The following MCTP1 variants were observed in gnomAD, a reference collection of about 807,000 sequenced individuals.
MCTP1 encodes the protein multiple C2 and transmembrane domain containing 1.
Under a neutral mutation model 120.6 loss-of-function variants are expected in MCTP1, and 69 were observed. The ratio of observed to expected loss-of-function variants is 0.57; its 90% CI spans 0.47 to 0.70. The LOEUF (loss-of-function observed/expected upper bound fraction) is 0.70, where lower values mean the gene tolerates loss of function less well. MCTP1 is among the 30% of genes least tolerant of loss of function. MCTP1 has a pLI of 0.00. For missense variants in MCTP1, 1,203 were observed against 1,248.8 expected, an observed-to-expected ratio of 0.96 and a Z score of 0.55; for synonymous variants, 529 against 493.1, an observed-to-expected ratio of 1.07 and a Z score of -0.96.
intron 19 of MCTP1, among the ~76,000 whole-genome samples, chr5:94,733,758 G>A (rs1412315774): frequency 6.6e-6 from 1 of 152,138 alleles, no homozygotes; most frequent in African/African-American, 2.4e-5. Flanking sequence ...AAGGTCAGGA[G>A]TTCGAGACCA....
Position 94,931,946 on chromosome 5 carries a change from G to T in MCTP1, c.1212+7C>A. 6.3e-7 allele frequency: 1 copy of T among 1,598,806 alleles called. No individual in the cohort carries two copies. The highest frequency in any genetic ancestry group is 1.3e-5 in the African/African-American group (1 of 74,544). On this transcript the variant is annotated splice_region_variant and intron_variant, in intron 6 of 22. Coordinates refer to ENST00000515393, the MANE Select transcript of MCTP1 (RefSeq NM_024717.7). The stretch of plus-strand genomic sequence containing the variant: ...GAAAAGCTGAAAGATCACAAGCTAA[G>T]AATTACCTTACTTGATCTTTTCCAA...
chr5:94,781,932 C>T (rs897783433), intron 18 of MCTP1, among the ~76,000 whole-genome samples: 5 of 152,122 alleles, frequency 3.3e-5, no homozygotes, highest in Non-Finnish European at 7.4e-5. Flanking sequence ...CTTTCCCCTC[C>T]TCCAGTGCCT....
At chr5:95,192,891 T>C (rs922917011) in intron 1 of MCTP1, among the ~76,000 whole-genome samples, 1 of 152,122 alleles carries the variant, frequency 6.6e-6, no homozygotes, top group Non-Finnish European at 1.5e-5. Flanking sequence ...AGGGAATAGA[T>C]TGCTACTTGC....
At chr5:94,872,349 T>C (rs1797988530) in intron 13 of MCTP1, among the ~76,000 whole-genome samples, 1 of 152,036 alleles carries the variant, frequency 6.6e-6, no homozygotes, top group Non-Finnish European at 1.5e-5. Context: ...TTTTATCTCT[T>C]ATAAAAATGT....
chr5:94,841,150 A>T (rs1238370070), intron 17 of MCTP1, among the ~76,000 whole-genome samples: 1 of 152,154 alleles, frequency 6.6e-6, no homozygotes, highest in African/African-American at 2.4e-5. Flanking sequence ...TTGTACTTCT[A>T]GGGTTGCCAG....
intron 1 of MCTP1, among the ~76,000 whole-genome samples, chr5:95,092,789 A>G (rs950725650): frequency 2.8e-4 from 43 of 152,310 alleles, no homozygotes; most frequent in Middle Eastern, 6.8e-3. Context: ...CCAAATAACA[A>G]TCCAGGTTGA....
intron 1 of MCTP1, among the ~76,000 whole-genome samples, chr5:95,187,858 A>C (rs1749394305): frequency 6.6e-6 from 1 of 152,224 alleles, no homozygotes; most frequent in African/African-American, 2.4e-5. Flanking sequence ...ATTTAAAAAT[A>C]ACTGAAAGAG....
At chr5:95,079,196 A>C (rs570526455) in intron 1 of MCTP1, among the ~76,000 whole-genome samples, 1 of 152,168 alleles carries the variant, frequency 6.6e-6, no homozygotes, top group East Asian at 1.9e-4. Context: ...CTCAGCACTT[A>C]TAACAACAGA....
chr5:95,063,006 T>C (rs534946073), intron 1 of MCTP1, among the ~76,000 whole-genome samples: 4 of 152,092 alleles, frequency 2.6e-5, no homozygotes, highest in African/African-American at 9.6e-5. Context: ...TTTGTAGAGA[T>C]AGGGTCTCCC....
At chr5:95,088,552 G>A (rs1755608281) in intron 1 of MCTP1, among the ~76,000 whole-genome samples, 1 of 152,188 alleles carries the variant, frequency 6.6e-6, no homozygotes, top group South Asian at 2.1e-4. Flanking sequence ...ACAAACTGAT[G>A]CTTACGGAGG....
At chr5:94,824,567 G>T (rs1019090123) in intron 17 of MCTP1, among the ~76,000 whole-genome samples, 2 of 152,196 alleles carry the variant, frequency 1.3e-5, no homozygotes, top group Non-Finnish European at 2.9e-5. Context: ...AGTTTGGGAG[G>T]AGTCCCTCTT....
At chr5:94,761,767 T>C (rs2152851837) in intron 19 of MCTP1, among the ~76,000 whole-genome samples, 1 of 152,310 alleles carries the variant, frequency 6.6e-6, no homozygotes, top group South Asian at 2.1e-4. Flanking sequence ...CAGAATTGAA[T>C]TACCCTTTCC....
At chr5:95,239,590 G>A (rs2152675316) in intron 1 of MCTP1, among the ~76,000 whole-genome samples, 1 of 152,224 alleles carries the variant, frequency 6.6e-6, no homozygotes, top group Non-Finnish European at 1.5e-5. Context: ...TTAATTCAGA[G>A]GCTACCTGGC....
chr5:95,118,044 G>A (rs1390886552), intron 1 of MCTP1, among the ~76,000 whole-genome samples: 1 of 152,066 alleles, frequency 6.6e-6, no homozygotes, highest in Non-Finnish European at 1.5e-5. Context: ...GGGAGGGAGA[G>A]CATTAGGAAA....
At chr5:94,803,607 A>G (rs1781643624) in intron 17 of MCTP1, among the ~76,000 whole-genome samples, 1 of 152,232 alleles carries the variant, frequency 6.6e-6, no homozygotes, top group African/African-American at 2.4e-5. Flanking sequence ...TGTTCTGACA[A>G]GCAGGAATTG....
chr5:94,948,296 T>A (rs1732907524), intron 3 of MCTP1, among the ~76,000 whole-genome samples: 1 of 152,174 alleles, frequency 6.6e-6, no homozygotes, highest in South Asian at 2.1e-4. Context: ...ATGATATTGG[T>A]CTGGCATTTA....
At chr5:94,904,160 C>T (rs1438514123) in intron 10 of MCTP1, among the ~76,000 whole-genome samples, 1 of 152,146 alleles carries the variant, frequency 6.6e-6, no homozygotes, top group Admixed American at 6.5e-5. Context: ...GTGTGCATCA[C>T]CTAAGTTAGT....
At chr5:95,012,316 G>A (rs1053026849) in intron 2 of MCTP1, among the ~76,000 whole-genome samples, 3 of 152,042 alleles carry the variant, frequency 2.0e-5, no homozygotes, top group Non-Finnish European at 4.4e-5. Flanking sequence ...TTACTAATTT[G>A]CTTGTTCCTG....
At chr5:95,102,230 G>A (rs1386830789) in intron 1 of MCTP1, among the ~76,000 whole-genome samples, 1 of 152,122 alleles carries the variant, frequency 6.6e-6, no homozygotes, top group Non-Finnish European at 1.5e-5. Context: ...ATGTGAACCA[G>A]CTGAGCAAGC....
Sources: gnomAD v4.1 joint callset for allele counts (sites outside exome capture counted in the v4.1 genomes callset) on GRCh38, gnomAD v4.1.1 for gene constraint, MANE v1.5 for transcripts, NCBI Gene and HGNC (gene_info 2026-07-23, HGNC 2026-07-21) for gene names.